GREM2: variants seen among roughly 807,000 people sequenced by gnomAD.
GREM2 encodes the protein gremlin 2, DAN family BMP antagonist, also known as gremlin-2.
A neutral mutation model predicts 14.2 loss-of-function variants in GREM2; 11 were observed. The observed-to-expected ratio is 0.78, with a 90% CI of 0.49 to 1.28. The LOEUF (loss-of-function observed/expected upper bound fraction) is 1.28, where lower values mean the gene tolerates loss of function less well. Ranked by LOEUF, GREM2 falls within the 50% of genes most tolerant of loss-of-function variation. The pLI is 0.00. For missense variants in GREM2, 210 were observed against 218.5 expected, an observed-to-expected ratio of 0.96 and a Z score of 0.24; for synonymous variants, 98 against 97.6, an observed-to-expected ratio of 1.00 and a Z score of -0.02.
intron 1 of GREM2, among the ~76,000 whole-genome samples, chr1:240,570,442 C>A (rs1482609274): frequency 6.6e-6 from 1 of 152,032 alleles, no homozygotes; most frequent in Non-Finnish European, 1.5e-5. Flanking sequence ...TGCCTGGTGA[C>A]AAAGCAAGAC....
intron 1 of GREM2, among the ~76,000 whole-genome samples, chr1:240,604,368 C>T (rs1013389935): frequency 6.7e-6 from 1 of 150,108 alleles, no homozygotes; most frequent in Non-Finnish European, 1.5e-5. Context: ...ATTGTCTGGT[C>T]CTGTTTATAA....
At chr1:240,524,231 A>G (rs1406880685) in intron 1 of GREM2, among the ~76,000 whole-genome samples, 1 of 152,254 alleles carries the variant, frequency 6.6e-6, no homozygotes, top group Non-Finnish European at 1.5e-5. Context: ...CCAGGTTGGT[A>G]TGAACTCCTT....
At chr1:240,503,198 C>T (rs899526210) in intron 1 of GREM2, among the ~76,000 whole-genome samples, 8 of 152,168 alleles carry the variant, frequency 5.3e-5, no homozygotes, top group African/African-American at 1.7e-4. Context: ...ACTTCGTGTT[C>T]GTGAGTTAAA....
intron 1 of GREM2, among the ~76,000 whole-genome samples, chr1:240,587,991 C>G (rs1449402150): frequency 2.0e-5 from 3 of 152,154 alleles, no homozygotes; most frequent in Admixed American, 6.6e-5. Flanking sequence ...TGGAAAACTG[C>G]TGTGAAACGG....
chr1:240,495,619 C>T (rs1031174160), intron 1 of GREM2, among the ~76,000 whole-genome samples: 1 of 152,260 alleles, frequency 6.6e-6, no homozygotes, highest in South Asian at 2.1e-4. Context: ...TGGATGAGGA[C>T]ACTAAGGCAT....
intron 1 of GREM2, among the ~76,000 whole-genome samples, chr1:240,595,979 G>T (rs1294864464): frequency 1.3e-5 from 2 of 152,124 alleles, no homozygotes; most frequent in African/African-American, 4.8e-5. Context: ...CTGTTGTTAA[G>T]GCTTAAATGC....
chr1:240,515,963 AG>A (rs1677946121), intron 1 of GREM2, among the ~76,000 whole-genome samples: 1 of 152,138 alleles, frequency 6.6e-6, no homozygotes, highest in Non-Finnish European at 1.5e-5. Context: ...AAAGGTTTCT[AG>A]ATCTCAGTCA....
chr1:240,525,084 G>A (rs957297257), intron 1 of GREM2, among the ~76,000 whole-genome samples: 3 of 152,170 alleles, frequency 2.0e-5, no homozygotes, highest in Admixed American at 6.5e-5. Flanking sequence ...AGTGGGTGCA[G>A]GCCCTAAATG....
chr1:240,530,847 A>G (rs1678339272), intron 1 of GREM2: 1 of 152,200 alleles, frequency 6.6e-6, no homozygotes, highest in Admixed American at 6.5e-5. Flanking sequence ...TGAGAGAATC[A>G]TTCACTTTGT....
intron 1 of GREM2, among the ~76,000 whole-genome samples, chr1:240,526,632 T>G (rs1678228421): frequency 6.6e-6 from 1 of 152,226 alleles, no homozygotes; most frequent in Non-Finnish European, 1.5e-5. Context: ...CCAGGCACTC[T>G]CTGACCCCCA....
chr1:240,560,273 T>A (rs1197678897), intron 1 of GREM2, among the ~76,000 whole-genome samples: 1 of 152,160 alleles, frequency 6.6e-6, no homozygotes. Flanking sequence ...ACCAGTGCAG[T>A]TGGGTGATAC....
intron 1 of GREM2, among the ~76,000 whole-genome samples, chr1:240,541,358 G>A (rs1325117755): frequency 2.0e-5 from 3 of 152,182 alleles, no homozygotes; most frequent in Non-Finnish European, 4.4e-5. Flanking sequence ...AATGGGACTG[G>A]CCAGGGGCCC....
intron 1 of GREM2, among the ~76,000 whole-genome samples, chr1:240,524,903 C>A (rs1357655328): frequency 2.0e-5 from 3 of 152,146 alleles, no homozygotes; most frequent in Non-Finnish European, 4.4e-5. Context: ...AACAGCTAGG[C>A]CAGTCGTGGA....
intron 1 of GREM2, among the ~76,000 whole-genome samples, chr1:240,498,439 G>A (rs1322034147): frequency 6.6e-6 from 1 of 152,142 alleles, no homozygotes; most frequent in Non-Finnish European, 1.5e-5. Flanking sequence ...TAGGCAAGAG[G>A]TGTTCGGCCA....
chr1:240,555,580 G>A (rs967194952), intron 1 of GREM2, among the ~76,000 whole-genome samples: 1 of 152,226 alleles, frequency 6.6e-6, no homozygotes, highest in Admixed American at 6.5e-5. Context: ...CCCTCTTGCT[G>A]TCTCTGAAGA....
chr1:240,582,779 A>G (rs1276467206), intron 1 of GREM2, among the ~76,000 whole-genome samples: 1 of 150,206 alleles, frequency 6.7e-6, no homozygotes, highest in Non-Finnish European at 1.5e-5. Context: ...CCTGGGCTAG[A>G]AGAGCAAAAC....
At chr1:240,532,634 GATATATAT>G (rs35703380) in intron 1 of GREM2, among the ~76,000 whole-genome samples, 1 of 148,054 alleles carries the variant, frequency 6.8e-6, no homozygotes, top group Non-Finnish European at 1.5e-5. Flanking sequence ...TTATATAAGA[GATATATAT>G]AGATAGATAG....
chr1:240,496,520 C>A (rs916418105), intron 1 of GREM2, among the ~76,000 whole-genome samples: 3 of 152,236 alleles, frequency 2.0e-5, no homozygotes, highest in African/African-American at 7.2e-5. Flanking sequence ...GTGGACGTCA[C>A]CGTCTCCTCC....
At chr1:240,497,964 G>A (rs1490977760) in intron 1 of GREM2, among the ~76,000 whole-genome samples, 2 of 152,168 alleles carry the variant, frequency 1.3e-5, no homozygotes, top group Non-Finnish European at 2.9e-5. Context: ...GTCCCAGCCA[G>A]GAAAGATTGA....
Sources: gnomAD v4.1 joint callset for allele counts (sites outside exome capture counted in the v4.1 genomes callset) on GRCh38, gnomAD v4.1.1 for gene constraint, MANE v1.5 for transcripts, NCBI Gene and HGNC (gene_info 2026-07-23, HGNC 2026-07-21) for gene names.